IL1RAPL1: variants seen among roughly 807,000 people sequenced by gnomAD.
IL1RAPL1 encodes the protein interleukin-1 receptor accessory protein-like 1.
A neutral mutation model predicts 48.4 loss-of-function variants in IL1RAPL1; 3 were observed. The ratio of observed to expected loss-of-function variants is 0.06; its 90% CI spans 0.03 to 0.16. IL1RAPL1 has a LOEUF of 0.16. IL1RAPL1 is among the 10% of genes least tolerant of loss of function. IL1RAPL1 has a pLI of 1.00. For synonymous variants in IL1RAPL1, 185 were observed against 187.7 expected, an observed-to-expected ratio of 0.99 and a Z score of 0.12; for missense variants, 349 against 530.6, an observed-to-expected ratio of 0.66 and a Z score of 3.36.
chrX:29,597,813 G>A (rs904468128), intron 5 of IL1RAPL1, among the ~76,000 whole-genome samples: 17 of 112,011 alleles, frequency 1.5e-4, no homozygotes, highest in African/African-American at 4.9e-4. Flanking sequence ...GTTTATGCAC[G>A]TAAAGGTGTT....
chrX:28,887,017 T>G (rs1228138633), intron 2 of IL1RAPL1, among the ~76,000 whole-genome samples: 1 of 111,992 alleles, frequency 8.9e-6, no homozygotes, highest in Non-Finnish European at 1.9e-5. Context: ...TGATTTAACA[T>G]TCACATCTCT....
intron 2 of IL1RAPL1, among the ~76,000 whole-genome samples, chrX:28,826,000 T>C (rs188635545): frequency 1.4e-4 from 16 of 111,643 alleles, no homozygotes; most frequent in African/African-American, 3.9e-4. Flanking sequence ...ATGGAAATGC[T>C]GAGGAAGAAT....
In IL1RAPL1 at chrX:29,111,091, G is replaced by A. The variant is rs1220365925; in HGVS notation, c.83-171847G>A. Among the ~76,000 whole-genome samples, 5 of 110,656 alleles carry A rather than the reference G, an allele frequency of 4.5e-5. No individual in the cohort carries two copies. In the Admixed American group the frequency reaches 4.8e-4, roughly 11 times the overall value. ...ATCATATATATAAAAGAATATATAT[G>A]CATATATGATACAAAGAATAATAAA... On this transcript the variant is annotated intron_variant, in intron 2 of 10. Transcript: ENST00000378993.
intron 1 of IL1RAPL1, among the ~76,000 whole-genome samples, chrX:28,593,717 GAATTAT>G (rs1198687915): frequency 9.0e-6 from 1 of 110,990 alleles, no homozygotes; most frequent in African/African-American, 3.3e-5. Context: ...TACTTTATTT[GAATTAT>G]AATTATAATA....
In IL1RAPL1 at chrX:28,784,272, A is replaced by G. The variant is rs5985800; in HGVS notation, c.-24-5048A>G. Among the ~76,000 whole-genome samples, 863 of 112,223 alleles carry G rather than the reference A, an allele frequency of 7.7e-3. 8 individuals carry two copies. The highest frequency in any genetic ancestry group is 0.026 in the African/African-American group (818 of 30,914). On this transcript the variant is annotated intron_variant, in intron 1 of 10. Coordinates refer to ENST00000378993, the MANE Select transcript of IL1RAPL1 (RefSeq NM_014271.4). Reference sequence around the variant, plus strand: ...TTATCCGTGTCAGGCACAAATGGATACTTCAATTTTTGATTAGAGTGAAAA... The same window carrying G: ...TTATCCGTGTCAGGCACAAATGGATGCTTCAATTTTTGATTAGAGTGAAAA...
intron 2 of IL1RAPL1, among the ~76,000 whole-genome samples, chrX:28,905,506 G>T (rs4531223): frequency 9.0e-6 from 1 of 111,657 alleles, no homozygotes; most frequent in Non-Finnish European, 1.9e-5. Context: ...ATTTAACAAT[G>T]ATTTTCCTAC....
At chrX:28,760,884 A>C (rs1227921991) in intron 1 of IL1RAPL1, among the ~76,000 whole-genome samples, 2 of 110,141 alleles carry the variant, frequency 1.8e-5, no homozygotes, top group East Asian at 2.9e-4. Flanking sequence ...TCAGGAGTTC[A>C]AGACCAGCCT....
At chrX:29,033,147 A>G (rs923665075) in intron 2 of IL1RAPL1, among the ~76,000 whole-genome samples, 4 of 111,400 alleles carry the variant, frequency 3.6e-5, no homozygotes, top group South Asian at 3.8e-4. Context: ...AAATTTATCA[A>G]TTTATTGATT....
intron 6 of IL1RAPL1, among the ~76,000 whole-genome samples, chrX:29,765,593 A>AAGAC (rs1928863822): frequency 8.9e-6 from 1 of 112,167 alleles, no homozygotes; most frequent in Non-Finnish European, 1.9e-5. Flanking sequence ...GTAGTATCCA[A>AAGAC]AGACATCCTT....
chrX:29,113,005 G>T (rs1213407015), intron 2 of IL1RAPL1, among the ~76,000 whole-genome samples: 5 of 110,048 alleles, frequency 4.5e-5, no homozygotes, highest in African/African-American at 9.9e-5. Context: ...TAGAGACGGG[G>T]TTTCACCATG....
intron 5 of IL1RAPL1, among the ~76,000 whole-genome samples, chrX:29,664,709 A>C (rs984333669): frequency 1.3e-4 from 14 of 111,633 alleles, no homozygotes; most frequent in African/African-American, 4.2e-4. Flanking sequence ...TTTTAGGAAG[A>C]TAGTGTTTTA....
intron 1 of IL1RAPL1, among the ~76,000 whole-genome samples, chrX:28,630,889 A>G (rs1469439754): frequency 8.9e-6 from 1 of 112,164 alleles, no homozygotes; most frequent in African/African-American, 3.2e-5. Context: ...GAAGAAGCCA[A>G]ACATATTCCC....
chrX:29,304,207 C>T (rs1170595098), intron 3 of IL1RAPL1, among the ~76,000 whole-genome samples: 1 of 110,531 alleles, frequency 9.0e-6, no homozygotes, highest in Non-Finnish European at 1.9e-5. Flanking sequence ...TGAGTCTCAT[C>T]CAGAAGTCAG....
intron 5 of IL1RAPL1, among the ~76,000 whole-genome samples, chrX:29,627,182 A>G (rs969285795): frequency 2.7e-5 from 3 of 112,376 alleles, no homozygotes; most frequent in African/African-American, 9.7e-5. Context: ...CCAGATTAGC[A>G]GATGATTTTA....
At chrX:29,865,614 T>C (rs1056611177) in intron 6 of IL1RAPL1, among the ~76,000 whole-genome samples, 2 of 106,818 alleles carry the variant, frequency 1.9e-5, no homozygotes, top group African/African-American at 6.9e-5. Context: ...TCTGTTCATG[T>C]GCTGTTTTTT....
At chrX:29,217,176 C>A (rs1404430454) in intron 2 of IL1RAPL1, among the ~76,000 whole-genome samples, 1 of 112,177 alleles carries the variant, frequency 8.9e-6, no homozygotes, top group Non-Finnish European at 1.9e-5. Flanking sequence ...CTGCCCTTTT[C>A]AACAAACCTG....
chrX:29,144,503 T>C (rs1929306463), intron 2 of IL1RAPL1, among the ~76,000 whole-genome samples: 1 of 99,870 alleles, frequency 1.0e-5, no homozygotes, highest in Admixed American at 1.2e-4. Context: ...CTTGGGAGGC[T>C]GAGGCAGGAG....
rs552457448 is a variant in IL1RAPL1, at chrX:29,442,844, C to G, written c.703+43536C>G. 9.2e-5 allele frequency among the ~76,000 whole-genome samples: 9 copies of G among 97,471 alleles called. No individual in the cohort carries two copies. The South Asian group carries it at 4.4e-3, about 48-fold the overall frequency. 84.6% of individuals were successfully genotyped at this position (97,471 alleles called of 115,157 possible). A position where few individuals can be genotyped will look rare whatever the true frequency, so the allele number is the denominator to read the frequency against. ...CTGCAGTCCAACCTGGGCATCACGG[C>G]AAGACCCTAACTATCTCAAAAAAAA... On this transcript the variant is annotated intron_variant, in intron 5 of 10. Coordinates refer to ENST00000378993, the MANE Select transcript of IL1RAPL1 (RefSeq NM_014271.4).
chrX:29,398,571 A>G lies in IL1RAPL1; in HGVS notation c.550-584A>G, dbSNP rs181951828. Among the ~76,000 whole-genome samples, 15 of 112,200 alleles carry G rather than the reference A, an allele frequency of 1.3e-4. No homozygotes were observed. The East Asian group carries it at 1.9e-3, about 15-fold the overall frequency. On this transcript the variant is annotated intron_variant, in intron 4 of 10. Coordinates refer to ENST00000378993, the MANE Select transcript of IL1RAPL1 (RefSeq NM_014271.4). The stretch of plus-strand genomic sequence containing the variant: ...CTTGCATATAAATGTTGATTGTTTC[A>G]TGGATTATAGCATGCATACACTATG...
Sources: allele counts gnomAD v4.1 joint callset (sites outside exome capture counted in the v4.1 genomes callset), GRCh38; gene constraint gnomAD v4.1.1; transcripts MANE v1.5; gene names NCBI Gene and HGNC (gene_info 2026-07-23, HGNC 2026-07-21).